CDH13: variants seen among roughly 807,000 people sequenced by gnomAD.
CDH13 encodes cadherin-13.
A neutral mutation model predicts 63.8 loss-of-function variants in CDH13; 24 were observed. The observed-to-expected ratio is 0.38, with a 90% CI of 0.27 to 0.53. The LOEUF is 0.53. Ranked by LOEUF, CDH13 falls within the 20% of genes least tolerant of loss-of-function variation. The pLI, the probability that CDH13 is intolerant of heterozygous loss-of-function variation, is 0.85. For missense variants in CDH13, 1,049 were observed against 903.1 expected (o/e 1.16, Z -2.07); for synonymous variants, 503 against 355.3 (o/e 1.42, Z -4.67).
chr16:83,336,005 T>C (rs2090586814), intron 5 of CDH13, among the ~76,000 whole-genome samples: 1 of 152,060 alleles, frequency 6.6e-6, no homozygotes, highest in South Asian at 2.1e-4. Context: ...TATATTCTAT[T>C]ACTAGATATT....
intron 2 of CDH13, among the ~76,000 whole-genome samples, chr16:82,975,756 C>T (rs141550011): frequency 1.3e-5 from 2 of 152,284 alleles, no homozygotes; most frequent in Admixed American, 1.3e-4. Context: ...TCAGTTTCCA[C>T]ATATTTATAT....
chr16:83,334,858 C>T lies in CDH13; in HGVS notation c.637-10004C>T, dbSNP rs189833335. Among the ~76,000 whole-genome samples, 141 of 152,236 alleles carry T rather than the reference C, an allele frequency of 9.3e-4. 1 individual carries two copies. In the Middle Eastern group the frequency reaches 0.017, roughly 18 times the overall value. On this transcript the variant is annotated intron_variant, in intron 5 of 13. Coordinates refer to ENST00000567109, the MANE Select transcript of CDH13 (RefSeq NM_001257.5). ...AGATAGAGTACTCTTACCCACACAT[C>T]GTGATGATCTAATTGGACCATGAGT...
At chr16:83,059,712 G>C (rs556508833) in intron 3 of CDH13, among the ~76,000 whole-genome samples, 1 of 151,148 alleles carries the variant, frequency 6.6e-6, no homozygotes, top group African/African-American at 2.4e-5. Flanking sequence ...AGAGCTTAAA[G>C]ACAGGGTGCT....
intron 5 of CDH13, among the ~76,000 whole-genome samples, chr16:83,333,199 G>T (rs944783129): frequency 9.9e-5 from 15 of 152,126 alleles, no homozygotes; most frequent in African/African-American, 3.6e-4. Context: ...CATTTAACTT[G>T]AATAAGTGAA....
intron 5 of CDH13, among the ~76,000 whole-genome samples, chr16:83,302,385 C>G (rs983339891): frequency 6.6e-6 from 1 of 152,142 alleles, no homozygotes; most frequent in East Asian, 1.9e-4. Flanking sequence ...GTTCTTGGCA[C>G]AGAATAGCAG....
chr16:82,669,274 C>G (rs990366670), intron 1 of CDH13, among the ~76,000 whole-genome samples: 1 of 152,226 alleles, frequency 6.6e-6, no homozygotes, highest in Non-Finnish European at 1.5e-5. Context: ...GATCCAAGGA[C>G]AAGCCCTTTA....
intron 1 of CDH13, among the ~76,000 whole-genome samples, chr16:82,790,102 C>T (rs1398200909): frequency 6.6e-6 from 1 of 152,020 alleles, no homozygotes; most frequent in Non-Finnish European, 1.5e-5. Flanking sequence ...CACACACATG[C>T]CTACACCCCC....
intron 6 of CDH13, among the ~76,000 whole-genome samples, chr16:83,391,032 G>A (rs569448634): frequency 2.2e-4 from 33 of 152,286 alleles, no homozygotes; most frequent in African/African-American, 7.2e-4. Flanking sequence ...ACAACGAACA[G>A]TATCTACTGG....
At chr16:83,672,511 A>G (rs1598449479) in intron 9 of CDH13, among the ~76,000 whole-genome samples, 1 of 123,000 alleles carries the variant, frequency 8.1e-6, no homozygotes, top group African/African-American at 3.2e-5. Context: ...TGCAACCTCC[A>G]CCTCCTGGGT....
intron 2 of CDH13, among the ~76,000 whole-genome samples, chr16:82,877,644 G>A (rs2040548475): frequency 6.6e-6 from 1 of 152,112 alleles, no homozygotes; most frequent in Non-Finnish European, 1.5e-5. Context: ...AATTTAAACT[G>A]TAGGCCCTCT....
rs1597293265 is a variant in CDH13, at chr16:83,080,876, T to TTTTTTTTTG, written c.367-44501_367-44500insGTTTTTTTT. On this transcript the variant is annotated intron_variant, in intron 3 of 13. Transcript: ENST00000567109. ...GAGTTTTGTTTTGTTTTTGTGTTTT[T>TTTTTTTTTG]TTTTTTTTTTTTTTTTTTTTTTGAG... 3.2e-5 allele frequency among the ~76,000 whole-genome samples: 3 copies of TTTTTTTTTG among 94,728 alleles called. No individual in the cohort carries two copies. In the East Asian group the frequency reaches 1.1e-3, roughly 36 times the overall value. The allele number at this position is 94,728 out of a possible 152,430, so 62.1% of individuals were successfully genotyped here.
chr16:82,722,839 T>A (rs1010200122), intron 1 of CDH13, among the ~76,000 whole-genome samples: 2 of 152,194 alleles, frequency 1.3e-5, no homozygotes, highest in Non-Finnish European at 2.9e-5. Flanking sequence ...TGAGCCCACC[T>A]GTGAAGAGTG....
intron 1 of CDH13, among the ~76,000 whole-genome samples, chr16:82,671,206 AAAG>A (rs1913202926): frequency 1.3e-5 from 2 of 152,254 alleles, no homozygotes; most frequent in South Asian, 4.1e-4. Context: ...GTAAATGAAA[AAAG>A]AACACAACTG....
intron 8 of CDH13, among the ~76,000 whole-genome samples, chr16:83,657,166 A>G (rs1420829731): frequency 6.6e-6 from 1 of 152,184 alleles, no homozygotes; most frequent in Non-Finnish European, 1.5e-5. Flanking sequence ...CAGACTGTGG[A>G]TCCAGCTCAT....
intron 5 of CDH13, among the ~76,000 whole-genome samples, chr16:83,244,830 A>C (rs1483767118): frequency 6.6e-6 from 1 of 152,164 alleles, no homozygotes; most frequent in Non-Finnish European, 1.5e-5. Context: ...TAATGAGGGA[A>C]GCTCATTAGA....
At chr16:83,014,764 A>ATATATGTATATATATATATATTTG (rs1914546738) in intron 2 of CDH13, among the ~76,000 whole-genome samples, 4 of 51,124 alleles carry the variant, frequency 7.8e-5, no homozygotes, top group East Asian at 6.2e-4. Context: ...ATATATATAT[A>ATATATGTATATATATATATATTTG]TATATATATA....
intron 6 of CDH13, among the ~76,000 whole-genome samples, chr16:83,430,392 T>C (rs952836415): frequency 6.6e-6 from 1 of 152,204 alleles, no homozygotes; most frequent in African/African-American, 2.4e-5. Context: ...GGAAAATGAA[T>C]AAATGAAAAA....
In CDH13 at chr16:83,296,516, C is replaced by G. The variant is rs1280603120; in HGVS notation, c.637-48346C>G. Among the ~76,000 whole-genome samples, 4 of 152,204 alleles carry G rather than the reference C, an allele frequency of 2.6e-5. No individual in the cohort carries two copies. The East Asian group carries it at 7.7e-4, about 29-fold the overall frequency. ...GACAGGAGACTAGGAAATGGTAGAC[C>G]TCTGTAGTTTATTAGTAATGTCTGC... On this transcript the variant is annotated intron_variant, in intron 5 of 13. Transcript: ENST00000567109.
intron 4 of CDH13, among the ~76,000 whole-genome samples, chr16:83,151,634 A>G (rs2036986073): frequency 6.6e-6 from 1 of 152,002 alleles, no homozygotes; most frequent in Admixed American, 6.6e-5. Context: ...GATAGCTTTA[A>G]AAAAAAATAA....
Sources: gnomAD v4.1 joint callset for allele counts (sites outside exome capture counted in the v4.1 genomes callset) on GRCh38, gnomAD v4.1.1 for gene constraint, MANE v1.5 for transcripts, NCBI Gene and HGNC (gene_info 2026-07-23, HGNC 2026-07-21) for gene names.